GRIN2A: variants seen among roughly 807,000 people sequenced by gnomAD.
GRIN2A encodes the protein glutamate receptor ionotropic, NMDA 2A.
Under a neutral mutation model 113.4 loss-of-function variants are expected in GRIN2A, and 22 were observed. The observed-to-expected ratio is 0.19, with a 90% confidence interval of 0.14 to 0.28. The LOEUF is 0.28. Among genes scored for constraint, GRIN2A ranks in the 10% least tolerant of loss-of-function variants. The probability of loss-of-function intolerance (pLI) is 1.00; values close to 1 mark genes in which losing one functional copy is unlikely to be tolerated. For synonymous variants in GRIN2A, 827 were observed against 738.4 expected (o/e 1.12, Z -1.94); for missense variants, 1,502 against 1,887.0 (o/e 0.80, Z 3.78).
At chr16:10,115,849 AGAACCAT>A (rs1567309927) in intron 2 of GRIN2A, among the ~76,000 whole-genome samples, 1 of 152,220 alleles carries the variant, frequency 6.6e-6, no homozygotes, top group Admixed American at 6.5e-5. Context: ...GACCAGAAAT[AGAACCAT>A]GAACACTTTT....
intron 2 of GRIN2A, among the ~76,000 whole-genome samples, chr16:10,013,901 A>T (rs958587138): frequency 6.6e-6 from 1 of 152,136 alleles, no homozygotes; most frequent in Non-Finnish European, 1.5e-5. Context: ...CATGCCTGTA[A>T]TCTCTTGCTC....
intron 11 of GRIN2A, among the ~76,000 whole-genome samples, chr16:9,772,922 CAAAA>C (rs71400490): frequency 3.2e-4 from 34 of 104,982 alleles, no homozygotes; most frequent in Admixed American, 1.0e-3. Context: ...ACTTCAATTT[CAAAA>C]AAAAAAAAAA....
intron 2 of GRIN2A, among the ~76,000 whole-genome samples, chr16:10,167,981 G>T (rs2049960519): frequency 6.6e-6 from 1 of 152,152 alleles, no homozygotes; most frequent in Non-Finnish European, 1.5e-5. Context: ...AGAGGAGTCT[G>T]GCTGGCTCTT....
At chr16:9,830,776 T>G (rs1031483744) in intron 8 of GRIN2A, among the ~76,000 whole-genome samples, 7 of 152,198 alleles carry the variant, frequency 4.6e-5, no homozygotes, top group African/African-American at 1.7e-4. Flanking sequence ...CACAACCCAT[T>G]AAAGAGAAAG....
At chr16:9,984,878 G>A (rs564006761) in intron 2 of GRIN2A, among the ~76,000 whole-genome samples, 1 of 152,168 alleles carries the variant, frequency 6.6e-6, no homozygotes, top group South Asian at 2.1e-4. Context: ...TTTTTGAGGA[G>A]TGGGTTCAAA....
intron 2 of GRIN2A, among the ~76,000 whole-genome samples, chr16:10,089,218 C>T (rs1422089739): frequency 6.6e-6 from 1 of 152,164 alleles, no homozygotes; most frequent in Non-Finnish European, 1.5e-5. Flanking sequence ...ACAGTTCCTG[C>T]CCCTACGAAG....
chr16:9,763,725 C>T lies in GRIN2A; in HGVS notation c.3819G>A (p.Gln1273=), dbSNP rs1900707840. ...GEQVYQQDWA[Q]NNALQLQKNK... ...TCTTTTGTAATTGAAGGGCATTGTTCTGTGCCCAGTCCTGCTGGTAGACCT... is the reference window on the plus strand; with the variant it reads ...TCTTTTGTAATTGAAGGGCATTGTTTTGTGCCCAGTCCTGCTGGTAGACCT... Residue 1273 remains glutamine, a synonymous_variant, in exon 13 of 13, where the codon CAG becomes CAA. Transcript: ENST00000330684. The T allele has an allele frequency of 1.2e-6, 2 of 1,614,124 alleles. No homozygotes were observed. The highest frequency in any genetic ancestry group is 1.6e-4 in the Middle Eastern group (1 of 6,062).
At chr16:10,072,041 G>GGT (rs2047763037) in intron 2 of GRIN2A, among the ~76,000 whole-genome samples, 1 of 152,176 alleles carries the variant, frequency 6.6e-6, no homozygotes, top group African/African-American at 2.4e-5. Context: ...TCACCAGAAT[G>GGT]ACCTTGGTAC....
At chr16:9,996,094 G>A (rs557672848) in intron 2 of GRIN2A, among the ~76,000 whole-genome samples, 32 of 144,160 alleles carry the variant, frequency 2.2e-4, no homozygotes, top group African/African-American at 7.2e-4. Context: ...AGGAAACAGA[G>A]AAAGGAGGAT....
At chr16:9,889,080 C>A (rs934569563) in intron 4 of GRIN2A, among the ~76,000 whole-genome samples, 2 of 151,974 alleles carry the variant, frequency 1.3e-5, no homozygotes, top group Non-Finnish European at 2.9e-5. Flanking sequence ...GCCATCTAGG[C>A]CAGGAGTTTC....
intron 2 of GRIN2A, among the ~76,000 whole-genome samples, chr16:10,028,522 C>T (rs2650429): frequency 0.77 from 116,832 of 152,014 alleles, 45,780 homozygotes; most frequent in Non-Finnish European, 0.85. Context: ...CTCCTTCCTG[C>T]TTCCTGGATT....
At chr16:9,886,218 A>G (rs1596540299) in intron 4 of GRIN2A, among the ~76,000 whole-genome samples, 2 of 152,250 alleles carry the variant, frequency 1.3e-5, no homozygotes, top group South Asian at 4.1e-4. Flanking sequence ...ATGCAACAAC[A>G]TAAGGCAGAA....
At chr16:9,878,763 C>T (rs2043420533) in intron 4 of GRIN2A, among the ~76,000 whole-genome samples, 1 of 152,008 alleles carries the variant, frequency 6.6e-6, no homozygotes, top group Non-Finnish European at 1.5e-5. Flanking sequence ...CAGGAGAGCG[C>T]CTGTTCAACT....
rs1424695314 is a variant in GRIN2A, at chr16:9,982,480, G to A, written c.415-43929C>T. On this transcript the variant is annotated intron_variant, in intron 2 of 12. Transcript: ENST00000330684. ...ACGCCAAAAAGAGAAATCTTCCTTT[G>A]TCAGCTATTTGGCCTGAGGAAGAAC... 2.6e-5 allele frequency among the ~76,000 whole-genome samples: 4 copies of A among 152,122 alleles called. No homozygotes were observed. The East Asian group carries it at 7.7e-4, about 29-fold the overall frequency.
At chr16:10,053,033 G>A (rs1281920047) in intron 2 of GRIN2A, among the ~76,000 whole-genome samples, 1 of 140,044 alleles carries the variant, frequency 7.1e-6, no homozygotes, top group Non-Finnish European at 1.5e-5. Flanking sequence ...GGGCAACAGA[G>A]CAAGACTCCA....
chr16:9,897,077 C>T (rs2043821266), intron 3 of GRIN2A, among the ~76,000 whole-genome samples: 1 of 152,062 alleles, frequency 6.6e-6, no homozygotes, highest in South Asian at 2.1e-4. Context: ...AGCATGCTGG[C>T]AAATAGAGAA....
chr16:10,057,021 TACCCATCCATCCCTCC>T (rs995441217), intron 2 of GRIN2A, among the ~76,000 whole-genome samples: 3 of 151,864 alleles, frequency 2.0e-5, no homozygotes, highest in African/African-American at 4.8e-5. Flanking sequence ...TCCAGCCTTC[TACCCATCCATCCCTCC>T]ACCCATCCAT....
rs1023507472 is a variant in GRIN2A, at chr16:9,987,602, C to A, written c.415-49051G>T. 3.9e-5 allele frequency among the ~76,000 whole-genome samples: 6 copies of A among 152,164 alleles called. 1 individual carries two copies. Among genetic ancestry groups the A allele is most frequent in the Admixed American group, 1.3e-4 (2 of 15,270 alleles). On this transcript the variant is annotated intron_variant, in intron 2 of 12. Coordinates refer to ENST00000330684, the MANE Select transcript of GRIN2A (RefSeq NM_001134407.3). ...CTCCCTTAAGCTAAGGAAATTAAACCAATGACCCCAATAGAAGAAAATTAT... is the reference window on the plus strand; with the variant it reads ...CTCCCTTAAGCTAAGGAAATTAAACAAATGACCCCAATAGAAGAAAATTAT...
chr16:10,169,978 TA>T (rs1470967109), intron 2 of GRIN2A, among the ~76,000 whole-genome samples: 2 of 151,826 alleles, frequency 1.3e-5, no homozygotes, highest in Non-Finnish European at 2.9e-5. Context: ...AACAAACAAA[TA>T]AAAAGTCTGT....
Sources: gnomAD v4.1 joint callset for allele counts (sites outside exome capture counted in the v4.1 genomes callset) on GRCh38, gnomAD v4.1.1 for gene constraint, MANE v1.5 for transcripts, NCBI Gene and HGNC (gene_info 2026-07-23, HGNC 2026-07-21) for gene names.